KSR1: variants seen among roughly 807,000 people sequenced by gnomAD.
KSR1 encodes the protein kinase suppressor of ras.
In KSR1, 35 loss-of-function variants were observed where a neutral mutation model predicts 92.9. The observed-to-expected ratio is 0.38, with a 90% CI of 0.29 to 0.50. The LOEUF (loss-of-function observed/expected upper bound fraction) is 0.50, where lower values mean the gene tolerates loss of function less well. Among genes scored for constraint, KSR1 ranks in the 20% least tolerant of loss-of-function variants. The pLI, the probability that KSR1 is intolerant of heterozygous loss-of-function variation, is 0.94. For synonymous variants in KSR1, 467 were observed against 472.6 expected (o/e 0.99, Z 0.15); for missense variants, 972 against 1,158.5 (o/e 0.84, Z 2.34).
At chr17:27,605,949 T>G in intron 14 of KSR1, 136 bp downstream of exon 14, 16 of 1,040,652 alleles carry the variant, frequency 1.5e-5, no homozygotes, top group Non-Finnish European at 2.0e-5. Context: ...AAATGGGGTA[T>G]AACTTCCTAA....
intron 1 of KSR1, among the ~76,000 whole-genome samples, chr17:27,482,910 C>T (rs1442951995): frequency 3.4e-5 from 1 of 29,558 alleles, no homozygotes; most frequent in Non-Finnish European, 5.9e-5. Flanking sequence ...TTCAATAAAC[C>T]TACATGTCTC....
At chr17:27,470,550 AT>A (rs2019943629) in intron 1 of KSR1, among the ~76,000 whole-genome samples, 2 of 152,068 alleles carry the variant, frequency 1.3e-5, no homozygotes, top group South Asian at 4.2e-4. Flanking sequence ...TAAGTTTTGT[AT>A]TTTTAGTAGA....
intron 1 of KSR1, 53 bp downstream of exon 1, chr17:27,456,927 C>G (rs2019199184): frequency 2.7e-6 from 2 of 752,310 alleles, no homozygotes; most frequent in Non-Finnish European, 4.8e-6. Context: ...GGACACCTCC[C>G]TCCGGGCCCC....
Position 27,582,962 on chromosome 17 carries a change from G to A in KSR1, c.837G>A (p.Arg279=), listed in dbSNP as rs367672562. The A allele has an allele frequency of 9.6e-4, 1,548 of 1,607,740 alleles. 7 individuals are homozygous for A. The African/African-American group carries it at 0.017, about 18-fold the overall frequency. The stretch of plus-strand genomic sequence containing the variant: ...CGCCCACCACACCCCAGCTGCGACG[G>A]CACACCAAGCTGAAGCCACCACGGA... The part of the protein sequence containing the change: ...ITPPTTPQLR[R]HTKLKPPRTP... The change falls in exon 4 of 21, where the codon CGG becomes CGA. Residue 279 remains arginine, a synonymous_variant. Coordinates refer to ENST00000644974, the MANE Select transcript of KSR1 (RefSeq NM_001394583.1).
chr17:27,490,465 C>T (rs998359159), intron 1 of KSR1, among the ~76,000 whole-genome samples: 6 of 152,152 alleles, frequency 3.9e-5, no homozygotes, highest in African/African-American at 1.2e-4. Flanking sequence ...GAGCAATCCC[C>T]CTTTTTTTCC....
chr17:27,522,068 A>G (rs1703427410), intron 1 of KSR1, among the ~76,000 whole-genome samples: 1 of 152,220 alleles, frequency 6.6e-6, no homozygotes. Context: ...TGTTACAGCC[A>G]TTCTTATACA....
At chr17:27,613,733 G>C (rs1459490732) in intron 18 of KSR1, among the ~76,000 whole-genome samples, 1 of 152,238 alleles carries the variant, frequency 6.6e-6, no homozygotes. Context: ...TGGGCTCCTG[G>C]CTGTGGCTGC....
intron 19 of KSR1, among the ~76,000 whole-genome samples, chr17:27,619,826 C>T (rs1376464461): frequency 6.6e-6 from 1 of 152,206 alleles, no homozygotes; most frequent in African/African-American, 2.4e-5. Flanking sequence ...GATTCTCATG[C>T]CTCAGCCTCC....
intron 1 of KSR1, among the ~76,000 whole-genome samples, chr17:27,522,206 C>T (rs1477788218): frequency 2.0e-5 from 3 of 152,184 alleles, no homozygotes; most frequent in African/African-American, 4.8e-5. Flanking sequence ...GGCAACTACC[C>T]TTTGCACTTG....
At chr17:27,516,361 A>G (rs1032484276) in intron 1 of KSR1, among the ~76,000 whole-genome samples, 6 of 152,160 alleles carry the variant, frequency 3.9e-5, no homozygotes, top group African/African-American at 1.4e-4. Flanking sequence ...ATTAACACTG[A>G]TGTGGGATTG....
chr17:27,492,844 A>G (rs1275510815), intron 1 of KSR1, among the ~76,000 whole-genome samples: 1 of 152,204 alleles, frequency 6.6e-6, no homozygotes, highest in Non-Finnish European at 1.5e-5. Flanking sequence ...TTTGTCTTGC[A>G]GGGTAATGAG....
chr17:27,609,157 A>T lies in KSR1; in HGVS notation c.2092-39A>T, dbSNP rs781024489. On this transcript the variant is annotated intron_variant, in intron 15 of 20. Transcript: ENST00000644974. ...TCCAGCCCAGGGTGGCACCTCCGTCATCGTTGCACATCTTCACTCCTCCTG... is the reference window on the plus strand; with the variant it reads ...TCCAGCCCAGGGTGGCACCTCCGTCTTCGTTGCACATCTTCACTCCTCCTG... The T allele has an allele frequency of 7.5e-6, 12 of 1,592,320 alleles. No individual in the cohort carries two copies. The East Asian group carries it at 2.5e-4, about 33-fold the overall frequency.
intron 1 of KSR1, among the ~76,000 whole-genome samples, chr17:27,548,245 AG>A (rs2071259464): frequency 6.7e-6 from 1 of 149,532 alleles, no homozygotes; most frequent in Non-Finnish European, 1.5e-5. Flanking sequence ...AAAAAAAAAA[AG>A]ATAAAGATAA....
At chr17:27,537,934 G>A (rs1253593217) in intron 1 of KSR1, among the ~76,000 whole-genome samples, 1 of 152,126 alleles carries the variant, frequency 6.6e-6, no homozygotes. Flanking sequence ...TTGTGAATAT[G>A]GGCTTGACAA....
At chr17:27,474,176 A>G (rs1430612875) in intron 1 of KSR1, among the ~76,000 whole-genome samples, 4 of 152,220 alleles carry the variant, frequency 2.6e-5, no homozygotes, top group South Asian at 2.1e-4. Context: ...GCTTAGGCCA[A>G]ACTTCCTCTC....
intron 1 of KSR1, among the ~76,000 whole-genome samples, chr17:27,461,356 C>T (rs971548138): frequency 6.6e-6 from 1 of 152,334 alleles, no homozygotes; most frequent in South Asian, 2.1e-4. Flanking sequence ...GCTGGGATTA[C>T]AAGTGTGAGC....
chr17:27,583,040 A>G lies in KSR1; in HGVS notation c.915A>G (p.Thr305=), dbSNP rs1488453468. 4.4e-6 allele frequency: 7 copies of G among 1,597,050 alleles called. No individual in the cohort carries two copies. The highest frequency in any genetic ancestry group is 6.0e-6 in the Non-Finnish European group (7 of 1,174,410). ...TCCAGCTGCTGCCCAGCTTCCCCAC[A>G]CTCACCCGGAGCAAGTCCCATGAGT... The part of the protein sequence containing the change: ...KVFQLLPSFP[T]LTRSKSHESQ... The change falls in exon 4 of 21, where the codon ACA becomes ACG. Residue 305 remains threonine (T), a synonymous_variant. Coordinates refer to ENST00000644974, the MANE Select transcript of KSR1 (RefSeq NM_001394583.1).
intron 2 of KSR1, among the ~76,000 whole-genome samples, chr17:27,575,586 C>A (rs1406969933): frequency 6.6e-6 from 1 of 152,134 alleles, no homozygotes; most frequent in Non-Finnish European, 1.5e-5. Flanking sequence ...ATTAAGAATG[C>A]CTGACTTCCT....
chr17:27,551,851 G>A (rs766291968), intron 2 of KSR1, among the ~76,000 whole-genome samples: 1 of 152,168 alleles, frequency 6.6e-6, no homozygotes, highest in Non-Finnish European at 1.5e-5. Flanking sequence ...CTCGCCCCTT[G>A]CATTCCATTT....
Sources: allele counts gnomAD v4.1 joint callset (sites outside exome capture counted in the v4.1 genomes callset), GRCh38; gene constraint gnomAD v4.1.1; transcripts MANE v1.5; gene names NCBI Gene and HGNC (gene_info 2026-07-23, HGNC 2026-07-21).